PARG: variants seen among roughly 807,000 people sequenced by gnomAD.
The protein encoded by PARG is mitochondrial poly(ADP-ribose) glycohydrolase.
PARG carries 35 observed loss-of-function variants against 113.0 expected under a neutral mutation model. That is an observed-to-expected ratio of 0.31 (90% CI 0.24 to 0.41). PARG has a LOEUF of 0.41. PARG is among the 10% of genes least tolerant of loss of function. The pLI, the probability that PARG is intolerant of heterozygous loss-of-function variation, is 1.00. For synonymous variants in PARG, 330 were observed against 409.9 expected (o/e 0.81, Z 2.36); for missense variants, 797 against 1,169.4 (o/e 0.68, Z 4.64).
chr10:49,909,101 T>A (rs559891371), intron 7 of PARG, among the ~76,000 whole-genome samples: 29 of 152,280 alleles, frequency 1.9e-4, no homozygotes, highest in Admixed American at 6.5e-4. Context: ...AAGCTACTCA[T>A]AATAGCATGC....
In PARG at chr10:49,905,871, C is replaced by T. The variant is rs1170516433; in HGVS notation, c.1737+10046G>A. ...AGCTGGCCCAGGGGATAATCAGGTC[C>T]AAGCTCTGGTCATTTGTGGTCACAT... On this transcript the variant is annotated intron_variant, in intron 7 of 17. Coordinates refer to ENST00000616448, the MANE Select transcript of PARG (RefSeq NM_003631.5). Among the ~76,000 whole-genome samples the T allele has an allele frequency of 2.0e-5, 3 of 152,274 alleles. No individual in the cohort carries two copies. In the East Asian group the frequency reaches 5.8e-4, roughly 29 times the overall value.
intron 4 of PARG, among the ~76,000 whole-genome samples, chr10:49,926,362 G>A (rs1838165002): frequency 1.3e-5 from 2 of 151,972 alleles, no homozygotes; most frequent in Middle Eastern, 3.2e-3. Context: ...TGAGCCACCA[G>A]ATAAGCAAGG....
At chr10:49,931,500 A>G (rs1299084185) in intron 4 of PARG, among the ~76,000 whole-genome samples, 2 of 151,934 alleles carry the variant, frequency 1.3e-5, no homozygotes, top group African/African-American at 4.8e-5. Context: ...GGCTCATCTG[A>G]TCTTGTCCCC....
intron 3 of PARG, 149 bp downstream of exon 3, chr10:49,933,028 T>C (rs1838566593): frequency 1.6e-6 from 1 of 626,064 alleles, no homozygotes; most frequent in Admixed American, 3.1e-5. Context: ...AGTTTAAACT[T>C]TGGAGTCTAG....
intron 11 of PARG, among the ~76,000 whole-genome samples, chr10:49,863,040 C>T (rs375537447): frequency 4.6e-5 from 7 of 151,666 alleles, no homozygotes; most frequent in Admixed American, 1.3e-4. Flanking sequence ...AATAAAATCA[C>T]GAAATTGCTA....
At chr10:49,822,041 T>C (rs1844116233) in intron 16 of PARG, among the ~76,000 whole-genome samples, 1 of 152,146 alleles carries the variant, frequency 6.6e-6, no homozygotes, top group South Asian at 2.1e-4. Context: ...TCTGAAACTA[T>C]TTTGAATTGT....
At chr10:49,894,358 G>GC (rs1374446633) in intron 7 of PARG, among the ~76,000 whole-genome samples, 25 of 151,952 alleles carry the variant, frequency 1.6e-4, no homozygotes, top group Non-Finnish European at 2.4e-4. Flanking sequence ...TCTTTAGCTT[G>GC]CCTATTTTCC....
chr10:49,932,361 C>A (rs1838533805), intron 3 of PARG, 78 bp from the exon 4 acceptor site: 1 of 840,270 alleles, frequency 1.2e-6, no homozygotes, highest in East Asian at 2.4e-5. Context: ...ACAAAACTTA[C>A]CCAGACGTTA....
chr10:49,886,322 A>G (rs1185774462), intron 7 of PARG, among the ~76,000 whole-genome samples: 2 of 152,242 alleles, frequency 1.3e-5, no homozygotes, highest in African/African-American at 4.8e-5. Context: ...AATAAAGGTA[A>G]AACCATTTGT....
chr10:49,820,802 G>T (rs1414832599), intron 16 of PARG, among the ~76,000 whole-genome samples: 3 of 151,656 alleles, frequency 2.0e-5, no homozygotes, highest in African/African-American at 7.3e-5. Context: ...ATGCTGCCAA[G>T]AATATCATCA....
intron 7 of PARG, among the ~76,000 whole-genome samples, chr10:49,891,048 C>T (rs1353677343): frequency 6.6e-6 from 1 of 152,262 alleles, no homozygotes; most frequent in Non-Finnish European, 1.5e-5. Context: ...GGCGTGGTGG[C>T]TCATGCCTGT....
chr10:49,899,149 T>C (rs1554843399), intron 7 of PARG, among the ~76,000 whole-genome samples: 1 of 152,244 alleles, frequency 6.6e-6, no homozygotes, highest in African/African-American at 2.4e-5. Context: ...AAAAATATCA[T>C]AGTTTTCTTT....
intron 6 of PARG, among the ~76,000 whole-genome samples, chr10:49,921,410 A>T (rs1183964616): frequency 1.3e-5 from 2 of 152,208 alleles, no homozygotes; most frequent in Non-Finnish European, 2.9e-5. Context: ...AAAAATAAAC[A>T]GTCTGCTTTT....
At chr10:49,840,699 C>T (rs115717225) in intron 15 of PARG, among the ~76,000 whole-genome samples, 1,731 of 152,180 alleles carry the variant, frequency 0.011, 30 homozygotes, top group African/African-American at 0.038. Context: ...ATTAGATTCT[C>T]CCAAATAGAT....
At chr10:49,894,509 T>G (rs1377060292) in intron 7 of PARG, among the ~76,000 whole-genome samples, 1 of 152,226 alleles carries the variant, frequency 6.6e-6, no homozygotes, top group East Asian at 1.9e-4. Flanking sequence ...AGCTTTATAG[T>G]TTTTGCTTTT....
chr10:49,911,051 G>GGT (rs1837149881), intron 7 of PARG, among the ~76,000 whole-genome samples: 1 of 152,194 alleles, frequency 6.6e-6, no homozygotes, highest in East Asian at 1.9e-4. Flanking sequence ...GGGAGGCCAA[G>GGT]GTGGGTGGAT....
chr10:49,828,017 G>C (rs1022795083), intron 16 of PARG, among the ~76,000 whole-genome samples: 12 of 145,088 alleles, frequency 8.3e-5, no homozygotes, highest in Non-Finnish European at 1.6e-4. Flanking sequence ...CGGGTGCCTA[G>C]GGTCTGGTGG....
chr10:49,861,538 T>A, intron 12 of PARG, 50 bp downstream of exon 12: 4 of 728,460 alleles, frequency 5.5e-6, no homozygotes, highest in Non-Finnish European at 1.0e-5. Context: ...GTCAGAAGCT[T>A]GACAAGAAAA....
At chr10:49,888,829 C>T (rs1847624589) in intron 7 of PARG, among the ~76,000 whole-genome samples, 1 of 152,152 alleles carries the variant, frequency 6.6e-6, no homozygotes, top group African/African-American at 2.4e-5. Flanking sequence ...CCTCTTTCCC[C>T]TCCCTTTCTG....
Sources: allele counts gnomAD v4.1 joint callset (sites outside exome capture counted in the v4.1 genomes callset), GRCh38; gene constraint gnomAD v4.1.1; transcripts MANE v1.5; gene names NCBI Gene and HGNC (gene_info 2026-07-23, HGNC 2026-07-21).